The following KCNIP4 variants were observed in gnomAD, a reference collection of about 807,000 sequenced individuals.
The protein encoded by KCNIP4 is potassium voltage-gated channel interacting protein 4.
Under a neutral mutation model 34.0 loss-of-function variants are expected in KCNIP4, and 12 were observed. The observed-to-expected ratio is 0.35, with a 90% confidence interval of 0.23 to 0.57. KCNIP4 has a LOEUF of 0.57. KCNIP4 is among the 20% of genes least tolerant of loss of function. The pLI, the probability that KCNIP4 is intolerant of heterozygous loss-of-function variation, is 0.83. For synonymous variants in KCNIP4, 124 were observed against 102.2 expected (o/e 1.21, Z -1.29); for missense variants, 238 against 311.7 (o/e 0.76, Z 1.78).
At chr4:20,839,961 T>G (rs897743284) in intron 3 of KCNIP4, among the ~76,000 whole-genome samples, 2 of 152,178 alleles carry the variant, frequency 1.3e-5, no homozygotes, top group African/African-American at 4.8e-5. Context: ...GGCTAGCCAC[T>G]TGGATGTTGG....
At chr4:21,021,402 T>C (rs1577548607) in intron 1 of KCNIP4, among the ~76,000 whole-genome samples, 1 of 152,196 alleles carries the variant, frequency 6.6e-6, no homozygotes, top group Non-Finnish European at 1.5e-5. Context: ...AATTTCTTTG[T>C]TCAATAATAA....
chr4:20,777,692 T>C (rs1756491822), intron 3 of KCNIP4, among the ~76,000 whole-genome samples: 1 of 152,176 alleles, frequency 6.6e-6, no homozygotes, highest in Admixed American at 6.5e-5. Context: ...CAGTGGAGGT[T>C]GTAGATTACA....
intron 1 of KCNIP4, among the ~76,000 whole-genome samples, chr4:21,841,686 G>C (rs184716418): frequency 1.5e-4 from 23 of 152,184 alleles, no homozygotes; most frequent in Admixed American, 1.4e-3. Flanking sequence ...AAAATCTATA[G>C]GTTGTTTTGA....
intron 1 of KCNIP4, among the ~76,000 whole-genome samples, chr4:21,764,689 GC>G (rs1718287345): frequency 6.6e-6 from 1 of 152,058 alleles, no homozygotes; most frequent in Non-Finnish European, 1.5e-5. Flanking sequence ...CCATAGGGAG[GC>G]TTAGAAATCT....
At chr4:21,806,833 G>A (rs184724169) in intron 1 of KCNIP4, among the ~76,000 whole-genome samples, 88 of 152,212 alleles carry the variant, frequency 5.8e-4, no homozygotes, top group Non-Finnish European at 1.1e-3. Context: ...ACCAGGGATC[G>A]GTTTAGTGGA....
chr4:21,930,397 G>A (rs775507919), intron 1 of KCNIP4, among the ~76,000 whole-genome samples: 1 of 152,050 alleles, frequency 6.6e-6, no homozygotes, highest in Non-Finnish European at 1.5e-5. Flanking sequence ...CTATGGAACT[G>A]CCTCATAATT....
At chr4:21,335,613 A>G (rs1716101069) in intron 1 of KCNIP4, among the ~76,000 whole-genome samples, 1 of 152,222 alleles carries the variant, frequency 6.6e-6, no homozygotes, top group Non-Finnish European at 1.5e-5. Flanking sequence ...AAACATTAGT[A>G]CAAGAAAATA....
At chr4:21,167,893 A>G (rs1425192346) in intron 1 of KCNIP4, among the ~76,000 whole-genome samples, 1 of 152,254 alleles carries the variant, frequency 6.6e-6, no homozygotes, top group South Asian at 2.1e-4. Context: ...TGTGAACAGG[A>G]AAGTACTTGG....
rs1167349831 is a variant in KCNIP4 at position 21,437,877 on chromosome 4, A to T, written c.61+510694T>A. Among the ~76,000 whole-genome samples, 4 of 124,116 alleles carry T rather than the reference A, an allele frequency of 3.2e-5. No individual in the cohort carries two copies. The East Asian group carries it at 1.0e-3, about 31-fold the overall frequency. The allele number at this position is 124,116 out of a possible 152,430, so 81.4% of individuals were successfully genotyped here. On this transcript the variant is annotated intron_variant, in intron 1 of 8. Coordinates refer to ENST00000382152, the MANE Select transcript of KCNIP4 (RefSeq NM_025221.6). ...TTAAGGTTTTATGTCTTTTTATTTT[A>T]CAAGTGTGTGTGTGTGTGTGTGTGT...
At chr4:21,254,283 T>C (rs1190374726) in intron 1 of KCNIP4, among the ~76,000 whole-genome samples, 1 of 152,314 alleles carries the variant, frequency 6.6e-6, no homozygotes, top group East Asian at 1.9e-4. Context: ...TGTACAGTGC[T>C]GGCCCAGTAC....
chr4:21,339,442 A>C (rs1578098682), intron 1 of KCNIP4, among the ~76,000 whole-genome samples: 1 of 152,208 alleles, frequency 6.6e-6, no homozygotes, highest in East Asian at 1.9e-4. Context: ...ATAATATGCA[A>C]ATTGAATATA....
intron 1 of KCNIP4, among the ~76,000 whole-genome samples, chr4:21,769,336 A>G (rs1266977677): frequency 1.3e-5 from 2 of 152,006 alleles, no homozygotes; most frequent in Admixed American, 6.6e-5. Context: ...TTTCTATTTT[A>G]GTGTTTGTAT....
chr4:21,684,857 C>T (rs916028295), intron 1 of KCNIP4, among the ~76,000 whole-genome samples: 2 of 152,192 alleles, frequency 1.3e-5, no homozygotes, highest in Middle Eastern at 3.4e-3. Flanking sequence ...TGTGATGTTC[C>T]CCACCCTGTG....
chr4:21,226,209 C>T (rs906478503), intron 1 of KCNIP4, among the ~76,000 whole-genome samples: 1 of 120,412 alleles, frequency 8.3e-6, no homozygotes. Context: ...GGCAGGAAGT[C>T]GAGGCCAGCC....
At chr4:21,854,344 C>T (rs939197624) in intron 1 of KCNIP4, among the ~76,000 whole-genome samples, 5 of 152,206 alleles carry the variant, frequency 3.3e-5, no homozygotes, top group South Asian at 2.1e-4. Flanking sequence ...GGAGGGGATT[C>T]GGTACAACAT....
chr4:21,314,413 G>T (rs1265603484), intron 1 of KCNIP4, among the ~76,000 whole-genome samples: 1 of 152,168 alleles, frequency 6.6e-6, no homozygotes, highest in Non-Finnish European at 1.5e-5. Context: ...TTGAAGGAAA[G>T]GGATTATATA....
intron 1 of KCNIP4, among the ~76,000 whole-genome samples, chr4:21,432,393 G>T (rs1726571916): frequency 6.6e-6 from 1 of 151,746 alleles, no homozygotes; most frequent in African/African-American, 2.4e-5. Flanking sequence ...AAGCACAATG[G>T]TTCCCACAAA....
At chr4:21,927,308 C>A (rs759217312) in intron 1 of KCNIP4, among the ~76,000 whole-genome samples, 1 of 152,038 alleles carries the variant, frequency 6.6e-6, no homozygotes, top group Non-Finnish European at 1.5e-5. Context: ...CCATTTGAGG[C>A]GACATATTCA....
chr4:21,059,679 A>G lies in KCNIP4; in HGVS notation c.62-176970T>C, dbSNP rs147151055. ...AGGGGGAATTATTCATCATGATATT[A>G]GTTATAGATTCTAGAGATCTAGAGA... On this transcript the variant is annotated intron_variant, in intron 1 of 8. Coordinates refer to ENST00000382152, the MANE Select transcript of KCNIP4 (RefSeq NM_025221.6). Among the ~76,000 whole-genome samples, 403 of 152,272 alleles carry G rather than the reference A, an allele frequency of 2.6e-3. 2 individuals carry two copies. Among genetic ancestry groups the G allele is most frequent in the African/African-American group, 9.4e-3 (392 of 41,560 alleles).
Sources: allele counts gnomAD v4.1 joint callset (sites outside exome capture counted in the v4.1 genomes callset), GRCh38; gene constraint gnomAD v4.1.1; transcripts MANE v1.5; gene names NCBI Gene and HGNC (gene_info 2026-07-23, HGNC 2026-07-21).